Variants in ZSCAN25 observed in about 807,000 individuals in gnomAD.
The protein encoded by ZSCAN25 is zinc finger and SCAN domain-containing protein 25.
ZSCAN25 carries 27 observed loss-of-function variants against 38.7 expected under a neutral mutation model. The observed-to-expected ratio is 0.70, with a 90% CI of 0.51 to 0.96. The LOEUF (loss-of-function observed/expected upper bound fraction) is 0.96. Ranked by LOEUF, ZSCAN25 falls within the 40% of genes least tolerant of loss-of-function variation. The pLI, the probability that ZSCAN25 is intolerant of heterozygous loss-of-function variation, is 0.00. For synonymous variants in ZSCAN25, 273 were observed against 277.7 expected, an observed-to-expected ratio of 0.98 and a Z score of 0.17; for missense variants, 637 against 705.9, an observed-to-expected ratio of 0.90 and a Z score of 1.11.
chr7:99,733,430 A>C, the ZSCAN25 span, among the ~76,000 whole-genome samples: 1 of 152,178 alleles, frequency 6.6e-6, no homozygotes, highest in Non-Finnish European at 1.5e-5. Context: ...GTTACAATGA[A>C]GAGGCTAACA....
chr7:99,718,539 A>G, the ZSCAN25 span, among the ~76,000 whole-genome samples: 1 of 152,146 alleles, frequency 6.6e-6, no homozygotes, highest in Non-Finnish European at 1.5e-5. Context: ...AAATTCCTCC[A>G]TTTGATAAAG....
chr7:99,649,080 G>C, the ZSCAN25 span, among the ~76,000 whole-genome samples: 1 of 152,294 alleles, frequency 6.6e-6, no homozygotes, highest in East Asian at 1.9e-4. Context: ...TCTGATCTCA[G>C]TTCAGTGAGG....
chr7:99,722,058 C>T, the ZSCAN25 span, among the ~76,000 whole-genome samples: 1 of 152,200 alleles, frequency 6.6e-6, no homozygotes, highest in Non-Finnish European at 1.5e-5. Flanking sequence ...TTCTGTGGAA[C>T]ATCTTTGTCT....
At chr7:99,705,130 A>G in the ZSCAN25 span, 1 of 250,762 alleles carries the variant, frequency 4.0e-6, no homozygotes, top group Non-Finnish European at 7.9e-6. Context: ...TCACTGTTAG[A>G]GCCATCAAAA....
intron 5 of ZSCAN25, 68 bp from the exon 6 acceptor site, chr7:99,622,481 T>C (rs1299276987): frequency 3.3e-5 from 48 of 1,473,916 alleles, no homozygotes; most frequent in Admixed American, 5.0e-5. Flanking sequence ...GGGGACACAT[T>C]TGAACGAGCT....
the ZSCAN25 span, among the ~76,000 whole-genome samples, chr7:99,648,674 T>A: frequency 6.6e-6 from 1 of 152,128 alleles, no homozygotes. Flanking sequence ...GTTTTTTTTT[T>A]TTTATTTAAA....
the ZSCAN25 span, chr7:99,648,422 A>T: frequency 2.0e-6 from 3 of 1,475,034 alleles, no homozygotes; most frequent in Non-Finnish European, 2.8e-6. Flanking sequence ...AAACAAGCAT[A>T]TGGAGAATTA....
the ZSCAN25 span, chr7:99,676,294 C>A: frequency 1.3e-6 from 2 of 1,596,868 alleles, no homozygotes; most frequent in South Asian, 2.2e-5. Context: ...CTGGAATGGT[C>A]AAGAGAGGGA....
At chr7:99,722,301 G>A in the ZSCAN25 span, 2 of 1,613,608 alleles carry the variant, frequency 1.2e-6, no homozygotes, top group South Asian at 1.1e-5. Context: ...CTCACCCCCA[G>A]ACTTTTCTAT....
intron 2 of ZSCAN25, among the ~76,000 whole-genome samples, 177 bp downstream of exon 2, chr7:99,618,828 C>G (rs1279762624): frequency 6.6e-6 from 1 of 152,182 alleles, no homozygotes; most frequent in Non-Finnish European, 1.5e-5. Flanking sequence ...GCCACCTCTT[C>G]TGGTGCAGCT....
At chr7:99,637,382 A>C (rs1192198877), downstream of ZSCAN25, among the ~76,000 whole-genome samples, 1 of 152,154 alleles carries the variant, frequency 6.6e-6, no homozygotes, top group Admixed American at 6.5e-5. Context: ...AATTTCTGGG[A>C]AGAGTGTTTT....
chr7:99,730,917 C>G, the ZSCAN25 span: 4 of 1,143,690 alleles, frequency 3.5e-6, no homozygotes, highest in Non-Finnish European at 3.7e-6. Flanking sequence ...TAAACTTTGC[C>G]ACGCTCTGGG....
rs1209297003 is a variant in ZSCAN25, at chr7:99,630,220, A to G, written c.*200A>G. ...TCTCTTACCCAAGTGGTGCTAAACA[A>G]TTTTTCTTCCAATGTTTGAGGGAAG... On this transcript the variant is annotated 3_prime_UTR_variant, in exon 8 of 8. Coordinates refer to ENST00000394152, the MANE Select transcript of ZSCAN25 (RefSeq NM_145115.3). The G allele has an allele frequency of 2.2e-6, 3 of 1,347,074 alleles. No homozygotes were observed. The African/African-American group carries it at 4.4e-5, about 20-fold the overall frequency. 83.4% of individuals were successfully genotyped at this position (1,347,074 alleles called of 1,614,324 possible). A position where few individuals can be genotyped will look rare whatever the true frequency, so the allele number is the denominator to read the frequency against.
At chr7:99,624,244 T>C in intron 7 of ZSCAN25, 64 bp downstream of exon 7, 1 of 1,606,344 alleles carries the variant, frequency 6.2e-7, no homozygotes, top group Non-Finnish European at 8.5e-7. Context: ...TCAGGGGTCC[T>C]GCCGTAGCTC....
At chr7:99,635,946 C>A (rs774626594), downstream of ZSCAN25, among the ~76,000 whole-genome samples, 5 of 147,330 alleles carry the variant, frequency 3.4e-5, no homozygotes, top group Non-Finnish European at 7.4e-5. Context: ...ACTTGGGAGG[C>A]TGAGGCAGGA....
chr7:99,695,694 A>T, the ZSCAN25 span: 1 of 1,490,930 alleles, frequency 6.7e-7, no homozygotes, highest in Admixed American at 1.7e-5. Context: ...GATGGAACTA[A>T]GCTGCTCTCT....
At chr7:99,710,054 G>A in the ZSCAN25 span, among the ~76,000 whole-genome samples, 3 of 152,172 alleles carry the variant, frequency 2.0e-5, no homozygotes, top group Middle Eastern at 3.4e-3. Context: ...TTGCTTCAGG[G>A]CTGGACTGTA....
the ZSCAN25 span, among the ~76,000 whole-genome samples, chr7:99,664,742 T>C: frequency 2.0e-5 from 3 of 152,116 alleles, no homozygotes; most frequent in Non-Finnish European, 4.4e-5. Flanking sequence ...CTCAAATTGA[T>C]TATAATTATT....
chr7:99,628,556 G>A (rs902957379), intron 7 of ZSCAN25, among the ~76,000 whole-genome samples: 12 of 152,332 alleles, frequency 7.9e-5, no homozygotes, highest in East Asian at 3.9e-4. Context: ...ACCTAGGGGC[G>A]TTCTCCTGCA....
Sources: allele counts gnomAD v4.1 joint callset (sites outside exome capture counted in the v4.1 genomes callset), GRCh38; gene constraint gnomAD v4.1.1; transcripts MANE v1.5; gene names NCBI Gene and HGNC (gene_info 2026-07-23, HGNC 2026-07-21).